The following SYNE1 variants were observed in gnomAD, a reference collection of about 807,000 sequenced individuals.
SYNE1 encodes spectrin repeat containing nuclear envelope protein 1.
SYNE1 carries 616 observed loss-of-function variants against 1,111.0 expected under a neutral mutation model. The observed-to-expected ratio is 0.55, with a 90% confidence interval of 0.52 to 0.59. The LOEUF (loss-of-function observed/expected upper bound fraction) is 0.59, where lower values mean the gene tolerates loss of function less well. Ranked by LOEUF, SYNE1 falls within the 20% of genes least tolerant of loss-of-function variation. The pLI is 0.00. For synonymous variants in SYNE1, 3,855 were observed against 3,825.8 expected (o/e 1.01, Z -0.28); for missense variants, 10,006 against 10,417.0 (o/e 0.96, Z 1.72).
At chr6:152,461,489 G>A in intron 21 of SYNE1, 108 bp downstream of exon 21, 1 of 1,370,870 alleles carries the variant, frequency 7.3e-7, no homozygotes, top group South Asian at 1.2e-5. Context: ...AGAAACAAAA[G>A]CATCGTTAAC....
intron 133 of SYNE1, 75 bp from the exon 134 acceptor site, chr6:152,152,216 T>C: frequency 1.5e-6 from 2 of 1,332,262 alleles, no homozygotes; most frequent in Non-Finnish European, 2.1e-6. Context: ...GTTTTCTTAT[T>C]GTAGCGTCTG....
intron 75 of SYNE1, among the ~76,000 whole-genome samples, chr6:152,338,633 C>T (rs2096460896): frequency 6.6e-6 from 1 of 152,152 alleles, no homozygotes; most frequent in African/African-American, 2.4e-5. Context: ...AACAAACAAA[C>T]AAACAAACGA....
At chr6:152,277,827 GTTAC>G in intron 98 of SYNE1, 2 of 527,724 alleles carry the variant, frequency 3.8e-6, no homozygotes, top group Non-Finnish European at 3.5e-6. Flanking sequence ...TCCTCTCATT[GTTAC>G]TTTCATGTCA....
chr6:152,218,928 A>T, intron 120 of SYNE1, 75 bp downstream of exon 120: 1 of 1,470,830 alleles, frequency 6.8e-7, no homozygotes, highest in Middle Eastern at 2.0e-4. Flanking sequence ...ATGACAAGGA[A>T]TTCTTTTTCT....
intron 73 of SYNE1, among the ~76,000 whole-genome samples, chr6:152,344,428 C>T (rs775613813): frequency 2.3e-4 from 35 of 152,136 alleles, no homozygotes; most frequent in African/African-American, 7.0e-4. Flanking sequence ...GATAACTTCT[C>T]GGACCACACA....
At chr6:152,466,106 A>G (rs751406083) in intron 16 of SYNE1, 28 bp from the exon 17 acceptor site, 1 of 1,405,136 alleles carries the variant, frequency 7.1e-7, no homozygotes, top group Non-Finnish European at 1.0e-6. Flanking sequence ...GTTAGAAGAT[A>G]GCAAACATTA....
At chr6:152,377,603 C>A (rs777956273) in intron 56 of SYNE1, among the ~76,000 whole-genome samples, 1 of 75,052 alleles carries the variant, frequency 1.3e-5, no homozygotes, top group Admixed American at 2.1e-4. Context: ...AACGAAACTC[C>A]GTCTTAAAAA....
intron 97 of SYNE1, among the ~76,000 whole-genome samples, chr6:152,281,194 T>TA (rs760519405): frequency 3.9e-5 from 6 of 152,234 alleles, no homozygotes; most frequent in Non-Finnish European, 8.8e-5. Context: ...CTTCATTATC[T>TA]ATTCTTTATA....
At chr6:152,311,831 A>G (rs1046357294) in intron 87 of SYNE1, among the ~76,000 whole-genome samples, 3 of 150,212 alleles carry the variant, frequency 2.0e-5, no homozygotes, top group Non-Finnish European at 4.4e-5. Context: ...GCTGGAGTGC[A>G]GTGGCGCAAT....
chr6:152,162,596 C>T (rs1275660041), intron 131 of SYNE1, among the ~76,000 whole-genome samples: 1 of 152,174 alleles, frequency 6.6e-6, no homozygotes, highest in Non-Finnish European at 1.5e-5. Flanking sequence ...AGGATCCCTA[C>T]AATTCAATCA....
intron 74 of SYNE1, among the ~76,000 whole-genome samples, chr6:152,342,992 A>G (rs2154013132): frequency 6.6e-6 from 1 of 152,264 alleles, no homozygotes; most frequent in Admixed American, 6.5e-5. Flanking sequence ...GCATTTCATT[A>G]TAACTTTTAG....
At chr6:152,323,984 G>T (rs984558431) in intron 81 of SYNE1, among the ~76,000 whole-genome samples, 12 of 151,676 alleles carry the variant, frequency 7.9e-5, no homozygotes, top group African/African-American at 2.9e-4. Context: ...ACTTAATACA[G>T]AAAAAGCTTT....
At chr6:152,625,507 T>A (rs1225878503) in intron 3 of SYNE1, among the ~76,000 whole-genome samples, 2 of 152,212 alleles carry the variant, frequency 1.3e-5, no homozygotes, top group Non-Finnish European at 2.9e-5. Flanking sequence ...GTAGCCAACA[T>A]AACCTATAGA....
chr6:152,448,808 C>T (rs1357052498), intron 28 of SYNE1, among the ~76,000 whole-genome samples: 3 of 152,120 alleles, frequency 2.0e-5, no homozygotes, highest in Admixed American at 2.0e-4. Flanking sequence ...TGCCACTGCA[C>T]TCCAAACCTG....
intron 98 of SYNE1, among the ~76,000 whole-genome samples, chr6:152,271,665 C>G (rs1336806301): frequency 6.6e-6 from 1 of 152,168 alleles, no homozygotes; most frequent in Non-Finnish European, 1.5e-5. Flanking sequence ...AAGACTCCAC[C>G]ACCTTCTAAG....
At chr6:152,391,968 T>A (rs561268069) in intron 51 of SYNE1, among the ~76,000 whole-genome samples, 207 of 152,330 alleles carry the variant, frequency 1.4e-3, no homozygotes, top group African/African-American at 4.8e-3. Flanking sequence ...ACCCCTGCTG[T>A]CTTGTATCTA....
At chr6:152,579,735 C>T (rs149224395) in intron 3 of SYNE1, among the ~76,000 whole-genome samples, 55 of 152,228 alleles carry the variant, frequency 3.6e-4, no homozygotes, top group South Asian at 1.0e-3. Context: ...CATATGCACT[C>T]GATGTTTAGC....
chr6:152,402,157 A>G (rs1049095545), intron 46 of SYNE1, among the ~76,000 whole-genome samples: 2 of 152,084 alleles, frequency 1.3e-5, no homozygotes, highest in African/African-American at 4.8e-5. Context: ...GACTCACTGG[A>G]TGGGCATCTG....
chr6:152,344,182 G>C lies in SYNE1; in HGVS notation c.12124C>G (p.Gln4042Glu). Residue 4042 changes from glutamine (Q) to glutamate (E), a missense_variant, in exon 74 of 146, where the codon CAA (glutamine) becomes GAA (glutamate). Gln to Glu is a conservative substitution (Grantham distance 29). This residue lies in a region of SYNE1 where 4,955 missense variants were observed against 5,017.2 expected (regional missense o/e 0.99). Transcript: ENST00000367255. ...GCCTGGCACTGCTGCAGGGTGTCTT[G>C]TCGGCTGACGTGCTTCTGAAGTTCG... Reference protein sequence around the residue: ...EHELQKHVSRQDTLQQCQAWL... With the variant: ...EHELQKHVSREDTLQQCQAWL... The C allele has an allele frequency of 1.9e-6, 3 of 1,614,218 alleles. No individual in the cohort carries two copies. Among genetic ancestry groups the C allele is most frequent in the South Asian group, 2.2e-5 (2 of 91,084 alleles).
Sources: allele counts gnomAD v4.1 joint callset (sites outside exome capture counted in the v4.1 genomes callset), GRCh38; gene constraint gnomAD v4.1.1; regional missense constraint gnomAD v4.1.1; transcripts MANE v1.5; gene names NCBI Gene and HGNC (gene_info 2026-07-23, HGNC 2026-07-21).